The following STARD8 variants were observed in gnomAD, a reference collection of about 807,000 sequenced individuals.
STARD8 encodes the protein StAR related lipid transfer domain containing 8.
A neutral mutation model predicts 69.4 loss-of-function variants in STARD8; 25 were observed. The ratio of observed to expected loss-of-function variants is 0.36; its 90% CI spans 0.26 to 0.50. The LOEUF is 0.50. STARD8 is among the 20% of genes least tolerant of loss of function. The pLI is 0.96. For missense variants in STARD8, 921 were observed against 932.5 expected, an observed-to-expected ratio of 0.99 and a Z score of 0.16; for synonymous variants, 389 against 374.6, an observed-to-expected ratio of 1.04 and a Z score of -0.45.
intron 2 of STARD8, among the ~76,000 whole-genome samples, chrX:68,688,360 A>G (rs1172876017): frequency 9.1e-6 from 1 of 109,683 alleles, no homozygotes; most frequent in African/African-American, 3.4e-5. Flanking sequence ...AGCCCTAGAG[A>G]CCCCTCTTCA....
chrX:68,720,924 G>A lies in STARD8; in HGVS notation c.2050G>A (p.Val684Ile), dbSNP rs1326440777. The change falls in exon 9 of 15, where the codon GTA becomes ATA. Residue 684 changes from valine to isoleucine, a missense_variant and splice_region_variant. Coordinates refer to ENST00000374599, the MANE Select transcript of STARD8 (RefSeq NM_001142503.3). ...TCCCTCCCTCCCCTGCATGGAGTAG[G>A]TAGGCATCTTCCGCAAGTCTGGGGT... Reference protein sequence around the residue: ...RYLRSQCLDQVGIFRKSGVKS... With the variant: ...RYLRSQCLDQIGIFRKSGVKS... 2.5e-6 allele frequency: 3 copies of A among 1,210,318 alleles called. No homozygotes were observed. The highest frequency in any genetic ancestry group is 3.0e-5 in the East Asian group (1 of 33,787).
At chrX:68,653,218 A>AG (rs1169325224) in intron 1 of STARD8, among the ~76,000 whole-genome samples, 2 of 18,925 alleles carry the variant, frequency 1.1e-4, no homozygotes, top group Non-Finnish European at 1.9e-4. Context: ...ACACCACACA[A>AG]CATACACACC....
intron 1 of STARD8, among the ~76,000 whole-genome samples, chrX:68,660,679 C>T (rs1044812701): frequency 8.9e-6 from 1 of 112,506 alleles, no homozygotes; most frequent in Non-Finnish European, 1.9e-5. Flanking sequence ...TGGCTCAAAA[C>T]AGCCCCTATT....
intron 1 of STARD8, among the ~76,000 whole-genome samples, chrX:68,665,025 G>A (rs1412933760): frequency 1.8e-5 from 2 of 112,355 alleles, no homozygotes. Flanking sequence ...CACATAATCA[G>A]TAAGCAGGGG....
chrX:68,652,513 G>T (rs1007563542), intron 1 of STARD8, among the ~76,000 whole-genome samples: 2 of 111,188 alleles, frequency 1.8e-5, no homozygotes, highest in Non-Finnish European at 3.8e-5. Context: ...GTTTAAGTGT[G>T]AGATGAACCC....
intron 12 of STARD8, 30 bp from the exon 13 acceptor site, chrX:68,723,596 T>C (rs1569375811): frequency 3.5e-6 from 4 of 1,139,303 alleles, no homozygotes; most frequent in Non-Finnish European, 4.7e-6. Flanking sequence ...CCCTGACAGC[T>C]GCCCCCATCC....
rs778809464 is a variant in STARD8 at position 68,721,268 on chromosome X, C to G, written c.2248+146C>G. On this transcript the variant is annotated intron_variant, in intron 9 of 14. Coordinates refer to ENST00000374599, the MANE Select transcript of STARD8 (RefSeq NM_001142503.3). ...CAGTTACTATCTGGAGTTGGAATGG[C>G]CCTTGCAGAGAGACCATTCTGCTTC... The G allele has an allele frequency of 4.1e-5, 30 of 734,149 alleles. No homozygotes were observed. The African/African-American group carries it at 5.1e-4, about 12-fold the overall frequency. 60.5% of individuals were successfully genotyped at this position (734,149 alleles called of 1,213,427 possible).
chrX:68,652,799 AC>A (rs2079558357), intron 1 of STARD8, among the ~76,000 whole-genome samples: 1 of 51,520 alleles, frequency 1.9e-5, no homozygotes, highest in Non-Finnish European at 3.7e-5. Context: ...CACACACACC[AC>A]ACACCACACA....
rs754817210 is a variant in STARD8, at chrX:68,720,356, C to T, written c.1982C>T (p.Thr661Met). The T allele has an allele frequency of 7.2e-5, 86 of 1,197,883 alleles. No homozygotes were observed. In the South Asian group the frequency reaches 1.2e-3, roughly 17 times the overall value. ...GVPPLIHVQR[T>M]GQPLPQSIQQ... ...CCACCCCTCATCCACGTGCAGCGCA[C>T]GGGCCAGCCACTGCCACAGAGCATT... Residue 661 changes from threonine (T) to methionine (M), a missense_variant, in exon 8 of 15, where the codon ACG becomes ATG. Coordinates refer to ENST00000374599, the MANE Select transcript of STARD8 (RefSeq NM_001142503.3).
chrX:68,710,124 A>G (rs2080038255), intron 2 of STARD8, among the ~76,000 whole-genome samples: 1 of 112,043 alleles, frequency 8.9e-6, no homozygotes, highest in Non-Finnish European at 1.9e-5. Context: ...AGCACTGAAC[A>G]TGGAGTGAAA....
In STARD8 at chrX:68,725,617, TAC is replaced by T. The variant is rs1288225833; in HGVS notation, c.*1203_*1204del. ...GTGTGTGTATATGTGTTTATAGAGA[TAC>T]ACACACATATATATGTGTGTATATA... On this transcript the variant is annotated 3_prime_UTR_variant, in exon 15 of 15. Coordinates refer to ENST00000374599, the MANE Select transcript of STARD8 (RefSeq NM_001142503.3). 4 of 104,865 alleles carry T rather than the reference TAC, an allele frequency of 3.8e-5. No individual in the cohort carries two copies. The highest frequency in any genetic ancestry group is 3.0e-4 in the East Asian group (1 of 3,354). 8.6% of individuals were successfully genotyped at this position (104,865 alleles called of 1,213,427 possible).
In STARD8 at chrX:68,723,804, G is replaced by A. The variant is rs201005000; in HGVS notation, c.2978G>A (p.Ser993Asn). ...GAGCTGTACCACTATGTCACCGACA[G>A]CATGGCACCCCATCCCTGCCGCGAC... The part of the protein sequence containing the change: ...GVELYHYVTD[S>N]MAPHPCRDFV... Residue 993 changes from serine (S) to asparagine (N), a missense_variant, in exon 13 of 15, where the codon AGC becomes AAC. Ser to Asn is a conservative substitution (Grantham distance 46). Coordinates refer to ENST00000374599, the MANE Select transcript of STARD8 (RefSeq NM_001142503.3). 2.5e-4 allele frequency: 294 copies of A among 1,183,159 alleles called. No individual in the cohort carries two copies. The highest frequency in any genetic ancestry group is 3.1e-4 in the Non-Finnish European group (275 of 881,689).
At chrX:68,656,519 GATT>G (rs1464019547) in intron 1 of STARD8, 3 of 112,064 alleles carry the variant, frequency 2.7e-5, no homozygotes, top group Non-Finnish European at 5.6e-5. Flanking sequence ...ATACCCAAAA[GATT>G]ATAAATCATG....
intron 1 of STARD8, among the ~76,000 whole-genome samples, chrX:68,665,137 C>T (rs1406322233): frequency 8.9e-6 from 1 of 112,082 alleles, no homozygotes. Flanking sequence ...ATGGTATGTG[C>T]CAAGCAAATG....
At chrX:68,721,487 A>G in intron 9 of STARD8, 49 bp from the exon 10 acceptor site, 3 of 1,178,812 alleles carry the variant, frequency 2.5e-6, no homozygotes, top group Non-Finnish European at 3.4e-6. Flanking sequence ...CTGGCTGCTA[A>G]GGCCTCTGGG....
intron 2 of STARD8, among the ~76,000 whole-genome samples, chrX:68,686,876 C>G (rs1427759668): frequency 9.0e-6 from 1 of 111,255 alleles, no homozygotes. Context: ...ACATCCTCCG[C>G]TCAAAAAGAA....
rs1403717892 is a variant in STARD8, at chrX:68,717,855, T to C, written c.941T>C (p.Leu314Pro). ...DHKPGTFPRS[L>P]SIESLCPEDG... Reference sequence around the variant, plus strand: ...AAACCAGGCACATTCCCTCGCTCCCTGTCCATTGAGAGCCTGTGTCCTGAG... The same window carrying C: ...AAACCAGGCACATTCCCTCGCTCCCCGTCCATTGAGAGCCTGTGTCCTGAG... Residue 314 changes from leucine (L) to proline (P), a missense_variant, in exon 6 of 15, where the codon CTG becomes CCG. Physicochemically the swap from Leu to Pro is moderately conservative, Grantham distance 98. Coordinates refer to ENST00000374599, the MANE Select transcript of STARD8 (RefSeq NM_001142503.3). The C allele has an allele frequency of 8.3e-7, 1 of 1,210,352 alleles. No individual in the cohort carries two copies.
intron 2 of STARD8, among the ~76,000 whole-genome samples, chrX:68,686,598 T>C (rs921776153): frequency 2.7e-5 from 3 of 113,100 alleles, no homozygotes; most frequent in Non-Finnish European, 5.6e-5. Flanking sequence ...AGGGCTGAGC[T>C]GCGCTTCGCG....
At chrX:68,696,343 C>T (rs1004533147) in intron 2 of STARD8, among the ~76,000 whole-genome samples, 2 of 111,701 alleles carry the variant, frequency 1.8e-5, no homozygotes, top group African/African-American at 6.5e-5. Context: ...TGTGTGTGCG[C>T]ACGTGTGCAT....
Sources: allele counts gnomAD v4.1 joint callset (sites outside exome capture counted in the v4.1 genomes callset), GRCh38; gene constraint gnomAD v4.1.1; transcripts MANE v1.5; gene names NCBI Gene and HGNC (gene_info 2026-07-23, HGNC 2026-07-21).